Variants in UBAC2 observed in about 807,000 individuals in gnomAD.
UBAC2 encodes the protein UBA domain containing 2.
In UBAC2, 26 loss-of-function variants were observed where a neutral mutation model predicts 44.0. That is an observed-to-expected ratio of 0.59 (90% CI 0.43 to 0.82). The LOEUF (loss-of-function observed/expected upper bound fraction) is 0.82, where lower values mean the gene tolerates loss of function less well. UBAC2 is among the 40% of genes least tolerant of loss of function. UBAC2 has a pLI of 0.00. For synonymous variants in UBAC2, 155 were observed against 154.3 expected (o/e 1.00, Z -0.04); for missense variants, 329 against 419.4 (o/e 0.78, Z 1.88).
chr13:99,201,733 A>G (rs1345501143), intron 1 of UBAC2, among the ~76,000 whole-genome samples: 2 of 152,220 alleles, frequency 1.3e-5, no homozygotes, highest in Non-Finnish European at 2.9e-5. Context: ...CTCCATGTGA[A>G]GTTAATGCTG....
intron 4 of UBAC2, among the ~76,000 whole-genome samples, chr13:99,260,697 A>G (rs2043647889): frequency 6.6e-6 from 1 of 152,208 alleles, no homozygotes; most frequent in East Asian, 1.9e-4. Context: ...AGTTTCTTTA[A>G]TACTTGAACC....
At chr13:99,213,231 T>C (rs2042954501) in intron 1 of UBAC2, among the ~76,000 whole-genome samples, 1 of 152,082 alleles carries the variant, frequency 6.6e-6, no homozygotes, top group Non-Finnish European at 1.5e-5. Context: ...AATTTTTTTT[T>C]TTTATTTAAG....
chr13:99,270,840 A>C (rs1046432840), intron 4 of UBAC2, among the ~76,000 whole-genome samples: 1 of 152,238 alleles, frequency 6.6e-6, no homozygotes, highest in Non-Finnish European at 1.5e-5. Context: ...GAATTTCCAA[A>C]GTGAGGAAGA....
chr13:99,217,319 G>T (rs903934086), intron 1 of UBAC2, among the ~76,000 whole-genome samples: 1 of 152,148 alleles, frequency 6.6e-6, no homozygotes, highest in Admixed American at 6.5e-5. Context: ...GATCTCTTAC[G>T]CTTTTCTCCC....
rs550760824 is a variant in UBAC2, at chr13:99,234,831, GATTA to G, written c.32-3594_32-3591del. ...GATGTCTCACAATAGTGTGCATTTT[GATTA>G]AATGACATACTTGGGGGAAATGTTC... On this transcript the variant is annotated intron_variant, in intron 1 of 8. Transcript: ENST00000403766. 2.0e-5 allele frequency among the ~76,000 whole-genome samples: 3 copies of G among 152,308 alleles called. No homozygotes were observed. In the East Asian group the frequency reaches 5.8e-4, roughly 29 times the overall value.
chr13:99,235,377 A>G (rs889753264), intron 1 of UBAC2, among the ~76,000 whole-genome samples: 12 of 152,216 alleles, frequency 7.9e-5, no homozygotes, highest in African/African-American at 2.7e-4. Context: ...TACAGATTCA[A>G]TGCAATCCTC....
intron 5 of UBAC2, among the ~76,000 whole-genome samples, chr13:99,317,123 A>G (rs1428643839): frequency 6.6e-6 from 1 of 151,878 alleles, no homozygotes; most frequent in Non-Finnish European, 1.5e-5. Context: ...GAGTGTGTCA[A>G]CTCTTACCTT....
At chr13:99,242,361 G>A (rs1351488192) in intron 2 of UBAC2, among the ~76,000 whole-genome samples, 4 of 148,230 alleles carry the variant, frequency 2.7e-5, no homozygotes, top group Admixed American at 1.3e-4. Context: ...CGGACGGGGC[G>A]GCTGTCCGGG....
chr13:99,243,966 A>G lies in UBAC2; in HGVS notation c.279+15A>G. The stretch of plus-strand genomic sequence containing the variant: ...GAAAATTTGCAGTAAGTTTTTATGT[A>G]TTTTGTCTTTGCTACTTAGGCTGTA... On this transcript the variant is annotated intron_variant, in intron 3 of 8. Coordinates refer to ENST00000403766, the MANE Select transcript of UBAC2 (RefSeq NM_001144072.2). 2.0e-6 allele frequency: 3 copies of G among 1,512,882 alleles called. No individual in the cohort carries two copies. Among genetic ancestry groups the G allele is most frequent in the Non-Finnish European group, 2.6e-6 (3 of 1,132,752 alleles). The allele number at this position is 1,512,882 out of a possible 1,614,324, so 93.7% of individuals were successfully genotyped here.
At chr13:99,262,743 A>G (rs1243787187) in intron 4 of UBAC2, among the ~76,000 whole-genome samples, 3 of 143,034 alleles carry the variant, frequency 2.1e-5, no homozygotes, top group Non-Finnish European at 4.5e-5. Context: ...AAAAAAAAGG[A>G]CTTGTGGAAG....
intron 6 of UBAC2, among the ~76,000 whole-genome samples, chr13:99,326,702 G>A (rs1009142891): frequency 2.3e-4 from 35 of 152,216 alleles, no homozygotes; most frequent in Non-Finnish European, 4.4e-4. Flanking sequence ...AATGATGGGT[G>A]GTAGAACCAG....
chr13:99,357,552 T>A (rs986714444), intron 7 of UBAC2, among the ~76,000 whole-genome samples: 7 of 152,234 alleles, frequency 4.6e-5, no homozygotes, highest in Non-Finnish European at 7.3e-5. Flanking sequence ...GTAAGCATAT[T>A]CATACTTACA....
intron 1 of UBAC2, among the ~76,000 whole-genome samples, chr13:99,235,312 C>G (rs2043220991): frequency 6.6e-6 from 1 of 152,100 alleles, no homozygotes; most frequent in South Asian, 2.1e-4. Context: ...GTATTCCATG[C>G]TTATGGTTTG....
At chr13:99,272,542 A>G (rs2043829227) in intron 4 of UBAC2, among the ~76,000 whole-genome samples, 1 of 152,152 alleles carries the variant, frequency 6.6e-6, no homozygotes, top group Non-Finnish European at 1.5e-5. Context: ...ATTTTCTCAC[A>G]GTTTTGGAGG....
intron 7 of UBAC2, among the ~76,000 whole-genome samples, chr13:99,366,722 C>T (rs2045335906): frequency 6.6e-6 from 1 of 151,986 alleles, no homozygotes; most frequent in Non-Finnish European, 1.5e-5. Context: ...TCTTTCAGAC[C>T]CAAGGCCGCA....
At chr13:99,242,988 G>T (rs2043337287) in intron 2 of UBAC2, among the ~76,000 whole-genome samples, 1 of 151,314 alleles carries the variant, frequency 6.6e-6, no homozygotes, top group South Asian at 2.1e-4. Context: ...CTTCCTAGAT[G>T]GGATGGCGGC....
In UBAC2 at chr13:99,286,357, C is replaced by T. The variant is rs747533790; in HGVS notation, c.390-27740C>T. Among the ~76,000 whole-genome samples the T allele has an allele frequency of 4.8e-4, 73 of 152,158 alleles. 1 individual carries two copies. The highest frequency in any genetic ancestry group is 2.8e-3 in the Admixed American group (43 of 15,280). ...TCCTTTGTGTTAGGAGATCAAGTTC[C>T]TCAAAGAACATTGTGTGTGTGTTTA... On this transcript the variant is annotated intron_variant, in intron 4 of 8. Coordinates refer to ENST00000403766, the MANE Select transcript of UBAC2 (RefSeq NM_001144072.2).
At chr13:99,377,600 G>C (rs1004540700) in intron 8 of UBAC2, 1 of 152,166 alleles carries the variant, frequency 6.6e-6, no homozygotes, top group Admixed American at 6.5e-5. Flanking sequence ...CATCAGAGTT[G>C]TGTATTTGCT....
At chr13:99,203,739 G>A (rs900370415) in intron 1 of UBAC2, among the ~76,000 whole-genome samples, 1 of 152,188 alleles carries the variant, frequency 6.6e-6, no homozygotes, top group Non-Finnish European at 1.5e-5. Context: ...CGAAGTTATG[G>A]TGGAGGACCA....
Sources: gnomAD v4.1 joint callset for allele counts (sites outside exome capture counted in the v4.1 genomes callset) on GRCh38, gnomAD v4.1.1 for gene constraint, MANE v1.5 for transcripts, NCBI Gene and HGNC (gene_info 2026-07-23, HGNC 2026-07-21) for gene names.